ROBO1: variants seen among roughly 807,000 people sequenced by gnomAD.
ROBO1 encodes roundabout guidance receptor 1.
In ROBO1, 149 loss-of-function variants were observed where a neutral mutation model predicts 195.9. The ratio of observed to expected loss-of-function variants is 0.76; its 90% confidence interval spans 0.67 to 0.87. ROBO1 has a LOEUF of 0.87. Ranked by LOEUF, ROBO1 falls within the 40% of genes least tolerant of loss-of-function variation. The pLI is 0.00. For synonymous variants in ROBO1, 816 were observed against 733.2 expected, an observed-to-expected ratio of 1.11 and a Z score of -1.82; for missense variants, 1,933 against 2,068.3, an observed-to-expected ratio of 0.93 and a Z score of 1.27.
At chr3:78,605,762 AT>A (rs1194021114) in intron 29 of ROBO1, among the ~76,000 whole-genome samples, 1 of 151,828 alleles carries the variant, frequency 6.6e-6, no homozygotes, top group Admixed American at 6.6e-5. Context: ...TCTTTATTTT[AT>A]TTTTTTTACA....
At chr3:78,658,481 G>A (rs1435390564) in intron 17 of ROBO1, among the ~76,000 whole-genome samples, 2 of 152,136 alleles carry the variant, frequency 1.3e-5, no homozygotes, top group Non-Finnish European at 1.5e-5. Context: ...AGTAGAGACG[G>A]GCTTTCACTG....
chr3:79,350,996 G>T (rs897597531), intron 2 of ROBO1, among the ~76,000 whole-genome samples: 2 of 152,008 alleles, frequency 1.3e-5, no homozygotes, highest in Non-Finnish European at 2.9e-5. Context: ...CACCCAGGAG[G>T]ATTTCTTTTT....
chr3:79,641,453 C>T (rs1044267585), intron 1 of ROBO1, among the ~76,000 whole-genome samples: 3 of 151,860 alleles, frequency 2.0e-5, no homozygotes, highest in East Asian at 1.9e-4. Context: ...TGCTAGATGA[C>T]GAGTTAGTGG....
At chr3:78,965,257 T>C (rs2076616457) in intron 3 of ROBO1, among the ~76,000 whole-genome samples, 1 of 152,080 alleles carries the variant, frequency 6.6e-6, no homozygotes, top group Admixed American at 6.6e-5. Flanking sequence ...TTTAGGAAAA[T>C]TCTACCAAAC....
At chr3:79,758,922 T>G in intron 1 of ROBO1, among the ~76,000 whole-genome samples, 1 of 152,154 alleles carries the variant, frequency 6.6e-6, no homozygotes, top group East Asian at 1.9e-4. Flanking sequence ...TTATCAGAAT[T>G]GTGACAAAAA....
At chr3:79,155,066 G>C (rs2080835103) in intron 2 of ROBO1, among the ~76,000 whole-genome samples, 1 of 151,776 alleles carries the variant, frequency 6.6e-6, no homozygotes, top group Admixed American at 6.6e-5. Context: ...AGGACACATT[G>C]ACTCCTATTG....
intron 2 of ROBO1, among the ~76,000 whole-genome samples, chr3:79,142,832 T>C (rs1470062777): frequency 6.6e-6 from 1 of 152,086 alleles, no homozygotes; most frequent in African/African-American, 2.4e-5. Context: ...TCTGCTGAGT[T>C]CTATATATTG....
chr3:79,009,107 ATTTTTTTTTTTTTTT>A (rs749520016), intron 3 of ROBO1, among the ~76,000 whole-genome samples: 1 of 115,356 alleles, frequency 8.7e-6, no homozygotes, highest in Admixed American at 8.9e-5. Flanking sequence ...CGCCCAGCTA[ATTTTTTTTTTTTTTT>A]TTTTTTTTTT....
chr3:79,314,303 T>C (rs1311017155), intron 2 of ROBO1, among the ~76,000 whole-genome samples: 1 of 152,226 alleles, frequency 6.6e-6, no homozygotes, highest in Admixed American at 6.5e-5. Flanking sequence ...TCTTGAACTG[T>C]AATTCCTATA....
At chr3:78,903,334 T>C (rs1368524903) in intron 4 of ROBO1, among the ~76,000 whole-genome samples, 1 of 152,104 alleles carries the variant, frequency 6.6e-6, no homozygotes, top group Non-Finnish European at 1.5e-5. Flanking sequence ...CCATAATTTG[T>C]CTCTTACTTT....
At chr3:78,770,899 T>A (rs1015627930) in intron 4 of ROBO1, among the ~76,000 whole-genome samples, 1 of 152,000 alleles carries the variant, frequency 6.6e-6, no homozygotes, top group African/African-American at 2.4e-5. Flanking sequence ...ACCTTGTCTC[T>A]ATAAATAATA....
At chr3:79,738,664 A>G (rs963050045) in intron 1 of ROBO1, among the ~76,000 whole-genome samples, 1 of 152,210 alleles carries the variant, frequency 6.6e-6, no homozygotes, top group African/African-American at 2.4e-5. Context: ...TTGAGTTAAA[A>G]TGGGGAAAAG....
chr3:78,905,650 A>T (rs2037861265), intron 4 of ROBO1, among the ~76,000 whole-genome samples: 1 of 152,106 alleles, frequency 6.6e-6, no homozygotes, highest in African/African-American at 2.4e-5. Flanking sequence ...GATATCAAAT[A>T]CTAAACAAAC....
chr3:78,791,475 T>C (rs575376671), intron 4 of ROBO1, among the ~76,000 whole-genome samples: 1 of 152,298 alleles, frequency 6.6e-6, no homozygotes, highest in African/African-American at 2.4e-5. Context: ...AAAACCAATA[T>C]GCAGAGAATG....
At chr3:79,086,774 A>AT (rs1044246213) in intron 3 of ROBO1, among the ~76,000 whole-genome samples, 10 of 151,966 alleles carry the variant, frequency 6.6e-5, no homozygotes, top group African/African-American at 1.2e-4. Flanking sequence ...ACAATCTTTT[A>AT]TTTTTTTTAC....
intron 10 of ROBO1, among the ~76,000 whole-genome samples, chr3:78,677,377 G>A (rs1022775690): frequency 3.3e-5 from 5 of 152,056 alleles, no homozygotes; most frequent in African/African-American, 9.7e-5. Context: ...ACACAGACTG[G>A]CAAATTGGAT....
intron 4 of ROBO1, among the ~76,000 whole-genome samples, chr3:78,786,616 T>C (rs1351253575): frequency 6.6e-6 from 1 of 152,038 alleles, no homozygotes; most frequent in African/African-American, 2.4e-5. Flanking sequence ...GTTTTTCCCA[T>C]GCTGTTCTCC....
rs35691197 is a variant in ROBO1, at chr3:78,597,950, C to CAA, written c.*961_*962dup. ...AGTTTAGTGATTGTGCTTTTAAAACCAAAAAAAAAAAAAAAAAGAGAGAGA... is the reference window on the plus strand; with the variant it reads ...AGTTTAGTGATTGTGCTTTTAAAACCAAAAAAAAAAAAAAAAAAAGAGAGAGA... On this transcript the variant is annotated 3_prime_UTR_variant, in exon 31 of 31. Coordinates refer to ENST00000464233, the MANE Select transcript of ROBO1 (RefSeq NM_002941.4). 8.0e-3 allele frequency: 879 copies of CAA among 109,466 alleles called. 7 individuals are homozygous for CAA. Among genetic ancestry groups the CAA allele is most frequent in the African/African-American group, 0.018 (582 of 31,648 alleles). The allele number at this position is 109,466 out of a possible 1,614,324, so 6.8% of individuals were successfully genotyped here.
At chr3:78,784,980 T>C (rs1209670246) in intron 4 of ROBO1, among the ~76,000 whole-genome samples, 1 of 152,178 alleles carries the variant, frequency 6.6e-6, no homozygotes, top group Non-Finnish European at 1.5e-5. Flanking sequence ...CTGCACAGGT[T>C]ATTCACTGCA....
Sources: allele counts gnomAD v4.1 joint callset (sites outside exome capture counted in the v4.1 genomes callset), GRCh38; gene constraint gnomAD v4.1.1; transcripts MANE v1.5; gene names NCBI Gene and HGNC (gene_info 2026-07-23, HGNC 2026-07-21).